FLCN: variants seen among roughly 807,000 people sequenced by gnomAD.
The protein encoded by FLCN is BHD skin lesion fibrofolliculoma protein.
FLCN carries 22 observed loss-of-function variants against 62.5 expected under a neutral mutation model. The observed-to-expected ratio is 0.35, with a 90% confidence interval of 0.25 to 0.50. The LOEUF is 0.50. Ranked by LOEUF, FLCN falls within the 20% of genes least tolerant of loss-of-function variation. The probability of loss-of-function intolerance (pLI) is 0.97; values close to 1 mark genes in which losing one functional copy is unlikely to be tolerated. For missense variants in FLCN, 657 were observed against 778.0 expected (o/e 0.84, Z 1.85); for synonymous variants, 319 against 310.0 (o/e 1.03, Z -0.30).
At chr17:17,233,598 CAAAA>C (rs71152852) in intron 1 of FLCN, among the ~76,000 whole-genome samples, 7 of 75,282 alleles carry the variant, frequency 9.3e-5, no homozygotes, top group Admixed American at 1.7e-4. Flanking sequence ...GACTCCATCT[CAAAA>C]AAAAAAAAAA....
At position 17,215,173 on chromosome 17, in the gene FLCN, G is replaced by A. The variant is rs766313012; in HGVS notation, c.1432+12C>T. On this transcript the variant is annotated intron_variant, in intron 12 of 13. Transcript: ENST00000285071. ...TTCTCACAAAAAGGACACTCTGCCT[G>A]GGGGCACCCACCTCGGTCTGCAGCT... The A allele has an allele frequency of 6.8e-6, 11 of 1,614,072 alleles. No homozygotes were observed. Among genetic ancestry groups the A allele is most frequent in the Non-Finnish European group, 9.3e-6 (11 of 1,180,006 alleles).
intron 8 of FLCN, 128 bp from the exon 9 acceptor site, chr17:17,219,337 G>C: frequency 1.5e-6 from 1 of 662,240 alleles, no homozygotes. Context: ...TATGCTCCCT[G>C]CTCCCTGTTG....
intron 8 of FLCN, chr17:17,220,238 C>A (rs1186808787): frequency 6.6e-6 from 1 of 151,918 alleles, no homozygotes; most frequent in African/African-American, 2.4e-5. Context: ...AGAGACTGGA[C>A]CTCCCTATGT....
chr17:17,219,107 C>A lies in FLCN; in HGVS notation c.974G>T (p.Gly325Val), dbSNP rs1278019825. 1 of 1,614,162 alleles carries A rather than the reference C, an allele frequency of 6.2e-7. No individual in the cohort carries two copies. The highest frequency in any genetic ancestry group is 1.7e-5 in the Admixed American group (1 of 60,022). The change falls in exon 9 of 14, where the codon GGC (glycine) becomes GTC (valine). Residue 325 changes from glycine (G) to valine (V), a missense_variant. Gly to Val is a moderately radical substitution (Grantham distance 109). Coordinates refer to ENST00000285071, the MANE Select transcript of FLCN (RefSeq NM_144997.7). ...TGAGAGAGAGGAGGACTCTGCCGGGCCCTGGGTCAGCTCCCGCCCTTCTGT... is the reference window on the plus strand; with the variant it reads ...TGAGAGAGAGGAGGACTCTGCCGGGACCTGGGTCAGCTCCCGCCCTTCTGT... ...ESTEGRELTQGPAESSSLSGC... is the reference protein window; with the variant it reads ...ESTEGRELTQVPAESSSLSGC...
In FLCN at chr17:17,226,157, C is replaced by G. The variant is rs767495491; in HGVS notation, c.396+19G>C. On this transcript the variant is annotated intron_variant, in intron 5 of 13. Transcript: ENST00000285071. ...ATGTGGGCTCCCACAGAGACAGGCTCTGTGGCCACAAGGCTCACCTCACAG... is the reference window on the plus strand; with the variant it reads ...ATGTGGGCTCCCACAGAGACAGGCTGTGTGGCCACAAGGCTCACCTCACAG... The G allele has an allele frequency of 1.9e-6, 3 of 1,614,042 alleles. No homozygotes were observed. Among genetic ancestry groups the G allele is most frequent in the Non-Finnish European group, 2.5e-6 (3 of 1,179,988 alleles).
intron 6 of FLCN, 92 bp downstream of exon 6, chr17:17,223,830 C>T (rs746872637): frequency 3.6e-5 from 47 of 1,302,538 alleles, no homozygotes; most frequent in Middle Eastern, 2.2e-4. Context: ...GAGGGGAAGA[C>T]GCCACGCGGT....
chr17:17,225,796 G>C (rs548934448), intron 5 of FLCN: 7 of 336,316 alleles, frequency 2.1e-5, no homozygotes, highest in African/African-American at 1.5e-4. Context: ...CGGGAGGATC[G>C]CTTGAGCCCA....
rs527859185 is a variant in FLCN, at chr17:17,216,425, C to T, written c.1255G>A (p.Gly419Arg). Residue 419 changes from glycine to arginine, a missense_variant, in exon 11 of 14, where the codon GGG (glycine) becomes AGG (arginine). Coordinates refer to ENST00000285071, the MANE Select transcript of FLCN (RefSeq NM_144997.7). The surrounding 1 kb of genome is among the most constrained non-coding windows in gnomAD (Gnocchi z 4.0). ...GGGATCTGCACGTGCGGGCTGAGCC[C>T]CAGGAAGTTGCACCGATAGGCCTCC... Reference protein sequence around the residue: ...YEEAYRCNFLGLSPHVQIPPH... With the variant: ...YEEAYRCNFLRLSPHVQIPPH... 6.2e-7 allele frequency: 1 copy of T among 1,613,832 alleles called. No individual in the cohort carries two copies. The highest frequency in any genetic ancestry group is 1.7e-5 in the Admixed American group (1 of 60,000).
At chr17:17,234,625 C>A (rs949129080) in intron 1 of FLCN, among the ~76,000 whole-genome samples, 37 of 150,790 alleles carry the variant, frequency 2.5e-4, no homozygotes, top group Non-Finnish European at 3.7e-4. Context: ...GGGCAGATCA[C>A]CTAAGGTCAG....
intron 9 of FLCN, among the ~76,000 whole-genome samples, chr17:17,218,694 C>T (rs762638833): frequency 1.7e-4 from 26 of 152,148 alleles, no homozygotes; most frequent in Non-Finnish European, 3.4e-4. Context: ...CCATCACTTA[C>T]AATGGGCAGG....
rs751478971 is a variant in FLCN at position 17,219,105 on chromosome 17, G to A, written c.976C>T (p.Pro326Ser). 5.0e-6 allele frequency: 8 copies of A among 1,614,138 alleles called. No individual in the cohort carries two copies. Among genetic ancestry groups the A allele is most frequent in the South Asian group, 1.1e-5 (1 of 91,082 alleles). Residue 326 changes from proline to serine, a missense_variant, in exon 9 of 14, where the codon CCG becomes TCG. Physicochemically the swap from Pro to Ser is moderately conservative, Grantham distance 74 (BLOSUM62 -1). Transcript: ENST00000285071. ...STEGRELTQGPAESSSLSGCG... is the reference protein window; with the variant it reads ...STEGRELTQGSAESSSLSGCG... ...CCTGAGAGAGAGGAGGACTCTGCCG[G>A]GCCCTGGGTCAGCTCCCGCCCTTCT...
rs41464156 is a variant in FLCN, at chr17:17,216,411, G to A, written c.1269C>T (p.His423=). Residue 423 remains histidine, a synonymous_variant, in exon 11 of 14, where the codon CAC becomes CAT. Transcript: ENST00000285071. This position sits in a 1 kb window ranked among gnomAD's most constrained non-coding sequence, Gnocchi z 4.0. The part of the protein sequence containing the change: ...YRCNFLGLSP[H]VQIPPHVLSS... Reference sequence around the variant, plus strand: ...AGAGCACGTGGGGGGGGATCTGCACGTGCGGGCTGAGCCCCAGGAAGTTGC... The same window carrying A: ...AGAGCACGTGGGGGGGGATCTGCACATGCGGGCTGAGCCCCAGGAAGTTGC... 5.7e-4 allele frequency: 919 copies of A among 1,613,724 alleles called. 1 individual carries two copies. The highest frequency in any genetic ancestry group is 5.3e-4 in the Non-Finnish European group (623 of 1,179,796).
Position 17,213,404 on chromosome 17 carries a change from G to A in FLCN, c.*251C>T, listed in dbSNP as rs2046807966. 5 of 592,656 alleles carry A rather than the reference G, an allele frequency of 8.4e-6. No individual in the cohort carries two copies. The East Asian group carries it at 1.4e-4, about 17-fold the overall frequency. The allele number at this position is 592,656 out of a possible 1,614,324, so 36.7% of individuals were successfully genotyped here. A position where few individuals can be genotyped will look rare whatever the true frequency, so the allele number is the denominator to read the frequency against. ...TCCTAGTCGTCTCTCCAAGGAGTTT[G>A]AACACAGAGAGAGCCCATCATCCCT... On this transcript the variant is annotated 3_prime_UTR_variant, in exon 14 of 14. Transcript: ENST00000285071.
intron 4 of FLCN, 43 bp downstream of exon 4, chr17:17,227,846 C>G: frequency 6.2e-7 from 1 of 1,613,732 alleles, no homozygotes; most frequent in South Asian, 1.1e-5. Flanking sequence ...CCATCCCACA[C>G]CTACTGCAGG....
intron 8 of FLCN, chr17:17,220,714 A>C (rs1597596510): frequency 1.3e-5 from 2 of 157,524 alleles, no homozygotes; most frequent in Non-Finnish European, 2.8e-5. Flanking sequence ...GCACCTGCCT[A>C]GAAACATGAT....
intron 6 of FLCN, 154 bp from the exon 7 acceptor site, chr17:17,222,815 A>G (rs1377368690): frequency 9.6e-6 from 8 of 837,268 alleles, no homozygotes; most frequent in East Asian, 8.0e-5. Context: ...CACCAGTCCA[A>G]TCATTCCCAA....
chr17:17,213,972 G>A (rs2046828305), intron 13 of FLCN, 116 bp from the exon 14 acceptor site: 4 of 1,132,282 alleles, frequency 3.5e-6, no homozygotes, highest in Admixed American at 1.8e-5. Context: ...TGCAGGCAGA[G>A]CTGGAATCCA....
At chr17:17,219,355 A>G (rs1198025190) in intron 8 of FLCN, 146 bp from the exon 9 acceptor site, 22 of 447,028 alleles carry the variant, frequency 4.9e-5, no homozygotes, top group Non-Finnish European at 7.1e-5. Flanking sequence ...TTGCTCTGGG[A>G]GCCCTGGGGT....
At chr17:17,236,832 C>T (rs188109283) in intron 1 of FLCN, 80 bp downstream of exon 1, 1 of 152,240 alleles carries the variant, frequency 6.6e-6, no homozygotes, top group Non-Finnish European at 1.5e-5. Flanking sequence ...TGGCCCTAAA[C>T]CCTCCCCCAT....
Sources: gnomAD v4.1 joint callset for allele counts (sites outside exome capture counted in the v4.1 genomes callset) on GRCh38, gnomAD v4.1.1 for gene constraint, Gnocchi (gnomAD v3.1) non-coding constraint, MANE v1.5 for transcripts, NCBI Gene and HGNC (gene_info 2026-07-23, HGNC 2026-07-21) for gene names.